ZFHX3: variants seen among roughly 807,000 people sequenced by gnomAD.
ZFHX3 encodes the protein zinc finger homeobox protein 3.
In ZFHX3, 42 loss-of-function variants were observed where a neutral mutation model predicts 279.1. That is an observed-to-expected ratio of 0.15 (90% CI 0.12 to 0.19). ZFHX3 has a LOEUF of 0.19. Ranked by LOEUF, ZFHX3 falls within the 10% of genes least tolerant of loss-of-function variation. ZFHX3 has a pLI of 1.00. For missense variants in ZFHX3, 4,981 were observed against 4,754.0 expected (o/e 1.05, Z -1.40); for synonymous variants, 2,293 against 1,957.8 (o/e 1.17, Z -4.52).
intron 3 of ZFHX3, chr16:73,400,015 A>G (rs1343937243): frequency 6.6e-6 from 1 of 151,970 alleles, no homozygotes; most frequent in Admixed American, 6.6e-5. Context: ...CCCACGAGCT[A>G]TCCTGAGCGA....
Position 72,796,321 on chromosome 16 carries a change from C to T in ZFHX3, c.6361G>A (p.Val2121Met), listed in dbSNP as rs951848133. 8 of 1,613,982 alleles carry T rather than the reference C, an allele frequency of 5.0e-6. No homozygotes were observed. The African/African-American group carries it at 8.0e-5, about 16-fold the overall frequency. The part of the protein sequence containing the change: ...PAQLPPQLGP[V>M]EPLPADLAQL... The stretch of plus-strand genomic sequence containing the variant: ...GCCAGGTCCGCAGGCAGAGGCTCCA[C>T]AGGTCCCAGCTGCGGGGGTAGCTGA... The change falls in exon 9 of 10, where the codon GTG becomes ATG. Residue 2121 changes from valine to methionine, a missense_variant. By Grantham distance (21) the Val-to-Met change is conservative. Coordinates refer to ENST00000268489, the MANE Select transcript of ZFHX3 (RefSeq NM_006885.4).
At chr16:72,869,983 A>T (rs1238706916) in intron 4 of ZFHX3, among the ~76,000 whole-genome samples, 1 of 152,228 alleles carries the variant, frequency 6.6e-6, no homozygotes. Context: ...CAAAATACAC[A>T]GCCTGATTCT....
At chr16:73,521,972 C>T (rs1175134801) in intron 2 of ZFHX3, among the ~76,000 whole-genome samples, 2 of 152,228 alleles carry the variant, frequency 1.3e-5, no homozygotes, top group East Asian at 1.9e-4. Flanking sequence ...TGTCAACTTC[C>T]GTTCCCTTTT....
chr16:72,896,955 GCA>G (rs2038915996), intron 3 of ZFHX3, among the ~76,000 whole-genome samples: 1 of 152,212 alleles, frequency 6.6e-6, no homozygotes, highest in Non-Finnish European at 1.5e-5. Flanking sequence ...CGCCCTCTCG[GCA>G]CACTGTGCTG....
chr16:73,254,082 G>T (rs2013592417), intron 5 of ZFHX3, among the ~76,000 whole-genome samples: 1 of 152,122 alleles, frequency 6.6e-6, no homozygotes, highest in South Asian at 2.1e-4. Context: ...CCTGTTCCAG[G>T]TAATGACTGA....
chr16:73,565,169 G>A (rs764464108), intron 2 of ZFHX3, among the ~76,000 whole-genome samples: 8 of 151,740 alleles, frequency 5.3e-5, no homozygotes, highest in Non-Finnish European at 1.2e-4. Flanking sequence ...CAGGAGAATC[G>A]CTTAAACTCA....
chr16:73,120,649 C>CTTTTTTTTTTTTTTTTTTTTTTTTT (rs140219846), intron 7 of ZFHX3, among the ~76,000 whole-genome samples: 1 of 106,202 alleles, frequency 9.4e-6, no homozygotes. Context: ...ATCCTCTCTA[C>CTTTTTTTTTTTTTTTTTTTTTTTTT]CTTTTTTTTT....
intron 3 of ZFHX3, among the ~76,000 whole-genome samples, chr16:72,942,122 C>A (rs560425689): frequency 9.8e-5 from 15 of 152,296 alleles, no homozygotes; most frequent in East Asian, 1.9e-4. Context: ...AACAAAAAAA[C>A]CAGAAACACC....
At chr16:73,382,142 G>T (rs563273464) in intron 3 of ZFHX3, among the ~76,000 whole-genome samples, 1 of 152,310 alleles carries the variant, frequency 6.6e-6, no homozygotes, top group East Asian at 1.9e-4. Flanking sequence ...TCCAGATGGA[G>T]CAAGGACTTA....
At chr16:73,380,237 G>GA (rs933287601) in intron 3 of ZFHX3, among the ~76,000 whole-genome samples, 1 of 151,952 alleles carries the variant, frequency 6.6e-6, no homozygotes, top group Non-Finnish European at 1.5e-5. Context: ...GTATATAAGG[G>GA]AAAAAAGAGC....
chr16:73,507,666 T>G (rs545816566), intron 2 of ZFHX3, among the ~76,000 whole-genome samples: 3 of 152,024 alleles, frequency 2.0e-5, no homozygotes, highest in African/African-American at 7.2e-5. Context: ...TGGCTGATTT[T>G]TCTTTTAATG....
At chr16:73,177,266 T>C (rs941629681) in intron 5 of ZFHX3, among the ~76,000 whole-genome samples, 4 of 152,194 alleles carry the variant, frequency 2.6e-5, no homozygotes, top group Admixed American at 1.3e-4. Context: ...TTCCATTCTA[T>C]GCAAAAGAGG....
intron 2 of ZFHX3, among the ~76,000 whole-genome samples, chr16:73,521,044 C>T (rs575261162): frequency 6.6e-6 from 1 of 152,176 alleles, no homozygotes; most frequent in African/African-American, 2.4e-5. Flanking sequence ...TACTTCAGAA[C>T]ATCATCATCC....
At chr16:73,777,136 T>C (rs1016707688) in intron 1 of ZFHX3, among the ~76,000 whole-genome samples, 1 of 152,146 alleles carries the variant, frequency 6.6e-6, no homozygotes, top group African/African-American at 2.4e-5. Context: ...CTGCCACAAT[T>C]TCCCTTTCTC....
At chr16:73,855,323 G>C (rs1288168675) in intron 1 of ZFHX3, among the ~76,000 whole-genome samples, 3 of 138,602 alleles carry the variant, frequency 2.2e-5, no homozygotes, top group Non-Finnish European at 4.5e-5. Context: ...TACTTGCATT[G>C]AAATGGGCCA....
At chr16:73,454,574 CA>C (rs11417738) in intron 3 of ZFHX3, among the ~76,000 whole-genome samples, 157 of 137,430 alleles carry the variant, frequency 1.1e-3, no homozygotes, top group Middle Eastern at 3.6e-3. Flanking sequence ...CCAAATTTCT[CA>C]AAAAAAAAAA....
At chr16:72,952,842 C>T (rs562682559) in intron 2 of ZFHX3, among the ~76,000 whole-genome samples, 6 of 152,254 alleles carry the variant, frequency 3.9e-5, no homozygotes, top group African/African-American at 1.4e-4. Context: ...TTCCTAGAAG[C>T]GTACGGTCAA....
At chr16:73,823,141 T>A (rs372368903) in intron 1 of ZFHX3, among the ~76,000 whole-genome samples, 1 of 152,162 alleles carries the variant, frequency 6.6e-6, no homozygotes, top group African/African-American at 2.4e-5. Context: ...CTACGACGTA[T>A]ATGAAGCTTT....
At chr16:73,297,525 T>C (rs1350025723) in intron 4 of ZFHX3, among the ~76,000 whole-genome samples, 2 of 152,028 alleles carry the variant, frequency 1.3e-5, no homozygotes, top group Non-Finnish European at 2.9e-5. Flanking sequence ...TAGGTAGACC[T>C]GGTAAATGTA....
Sources: allele counts gnomAD v4.1 joint callset (sites outside exome capture counted in the v4.1 genomes callset), GRCh38; gene constraint gnomAD v4.1.1; transcripts MANE v1.5; gene names NCBI Gene and HGNC (gene_info 2026-07-23, HGNC 2026-07-21).